Variants in RBFOX1 observed in about 807,000 individuals in gnomAD.
RBFOX1 encodes the protein RNA binding fox-1 homolog 1, also known as RNA binding protein fox-1 homolog 1.
Under a neutral mutation model 57.7 loss-of-function variants are expected in RBFOX1, and 8 were observed. That is an observed-to-expected ratio of 0.14 (90% CI 0.08 to 0.25). RBFOX1 has a LOEUF of 0.25. Among genes scored for constraint, RBFOX1 ranks in the 10% least tolerant of loss-of-function variants. The pLI is 1.00. For missense variants in RBFOX1, 611 were observed against 548.5 expected, an observed-to-expected ratio of 1.11 and a Z score of -1.14; for synonymous variants, 326 against 222.4, an observed-to-expected ratio of 1.47 and a Z score of -4.15.
At chr16:6,663,528 C>G (rs1380813475) in intron 3 of RBFOX1, among the ~76,000 whole-genome samples, 1 of 152,170 alleles carries the variant, frequency 6.6e-6, no homozygotes, top group East Asian at 1.9e-4. Context: ...GGAAGGGCCT[C>G]TTTCTAGAAT....
chr16:7,236,415 A>G (rs79702692), intron 4 of RBFOX1, among the ~76,000 whole-genome samples: 246 of 152,276 alleles, frequency 1.6e-3, no homozygotes, highest in African/African-American at 3.6e-3. Flanking sequence ...TGTCACATGC[A>G]CAACATCTGG....
chr16:7,402,826 A>G (rs772039734), intron 4 of RBFOX1, among the ~76,000 whole-genome samples: 1 of 152,112 alleles, frequency 6.6e-6, no homozygotes, highest in Non-Finnish European at 1.5e-5. Context: ...AAGAGTTGTT[A>G]TTTATCTGAG....
intron 4 of RBFOX1, among the ~76,000 whole-genome samples, chr16:7,367,917 C>G (rs893796035): frequency 4.0e-5 from 6 of 149,288 alleles, no homozygotes; most frequent in African/African-American, 1.2e-4. Flanking sequence ...CACACACAGA[C>G]ACTACACATG....
chr16:6,798,717 T>C (rs12599243), intron 3 of RBFOX1, among the ~76,000 whole-genome samples: 2 of 152,186 alleles, frequency 1.3e-5, no homozygotes, highest in East Asian at 3.8e-4. Flanking sequence ...AAAATATTTA[T>C]ACACCCAAGA....
chr16:5,443,398 C>G (rs144969941), intron 1 of RBFOX1, among the ~76,000 whole-genome samples: 6 of 152,262 alleles, frequency 3.9e-5, no homozygotes, highest in Admixed American at 2.0e-4. Context: ...AGTGCAGTGT[C>G]GCGATCTTGG....
intron 2 of RBFOX1, among the ~76,000 whole-genome samples, chr16:6,508,026 T>C (rs1226383157): frequency 6.6e-6 from 1 of 152,124 alleles, no homozygotes; most frequent in African/African-American, 2.4e-5. Context: ...TGGAATACTA[T>C]GCAGCCATAA....
chr16:7,395,816 T>G (rs972797952), intron 4 of RBFOX1, among the ~76,000 whole-genome samples: 1 of 152,212 alleles, frequency 6.6e-6, no homozygotes, highest in African/African-American at 2.4e-5. Context: ...GATTTTTGTT[T>G]CCTGCGGGTG....
chr16:6,395,993 G>C (rs900989432), intron 2 of RBFOX1, among the ~76,000 whole-genome samples: 1 of 149,802 alleles, frequency 6.7e-6, no homozygotes, highest in African/African-American at 2.5e-5. Context: ...TTGAATCCGG[G>C]AGGTGGAAGT....
chr16:5,849,237 G>C (rs1039677088), intron 3 of RBFOX1, among the ~76,000 whole-genome samples: 3 of 152,070 alleles, frequency 2.0e-5, no homozygotes, highest in African/African-American at 7.2e-5. Context: ...CTGCATGGAA[G>C]GGTTCTTGAC....
At position 7,691,015 on chromosome 16, in the gene RBFOX1, C is replaced by G. The variant is rs575983105; in HGVS notation, c.995+14177C>G. Among the ~76,000 whole-genome samples the G allele has an allele frequency of 2.0e-5, 3 of 152,202 alleles. No individual in the cohort carries two copies. In the East Asian group the frequency reaches 5.8e-4, roughly 29 times the overall value. On this transcript the variant is annotated intron_variant, in intron 14 of 15. Transcript: ENST00000550418. ...ATTGTTCAGGGAAGTAGTGATCACA[C>G]AGATTGAATTCATGGAATTAATTAA...
chr16:7,701,830 CA>C (rs1454865178), intron 14 of RBFOX1, among the ~76,000 whole-genome samples: 1 of 152,200 alleles, frequency 6.6e-6, no homozygotes, highest in African/African-American at 2.4e-5. Flanking sequence ...TGAAAGTGAA[CA>C]GGAACATTTC....
At chr16:6,276,128 A>G (rs966626391) in intron 1 of RBFOX1, among the ~76,000 whole-genome samples, 1 of 152,216 alleles carries the variant, frequency 6.6e-6, no homozygotes, top group African/African-American at 2.4e-5. Flanking sequence ...TTAAATAAAT[A>G]CCTTTTTCTT....
chr16:6,471,718 T>A (rs1320533671), intron 2 of RBFOX1, among the ~76,000 whole-genome samples: 1 of 152,140 alleles, frequency 6.6e-6, no homozygotes, highest in Non-Finnish European at 1.5e-5. Flanking sequence ...GGTTTATTCA[T>A]CTCAGCATTG....
intron 3 of RBFOX1, among the ~76,000 whole-genome samples, chr16:6,726,394 T>C (rs925375559): frequency 1.3e-5 from 1 of 79,870 alleles, no homozygotes; most frequent in African/African-American, 3.0e-5. Flanking sequence ...AACGCTATTT[T>C]TTCTTTTTTT....
At chr16:5,626,593 T>G (rs915183761) in intron 3 of RBFOX1, among the ~76,000 whole-genome samples, 2 of 152,180 alleles carry the variant, frequency 1.3e-5, no homozygotes, top group African/African-American at 2.4e-5. Context: ...TTCCTTCCTC[T>G]CCAAAATCCT....
At chr16:7,389,860 C>T (rs1048718209) in intron 4 of RBFOX1, among the ~76,000 whole-genome samples, 5 of 152,016 alleles carry the variant, frequency 3.3e-5, no homozygotes, top group African/African-American at 7.2e-5. Flanking sequence ...TCCATGAGTC[C>T]ACTGCTGTTT....
At chr16:7,413,903 C>T (rs747165434) in intron 4 of RBFOX1, among the ~76,000 whole-genome samples, 22 of 152,080 alleles carry the variant, frequency 1.4e-4, no homozygotes, top group Non-Finnish European at 3.1e-4. Context: ...GATTTGCATT[C>T]GTTAAGTGCA....
intron 4 of RBFOX1, among the ~76,000 whole-genome samples, chr16:7,307,355 A>G (rs192434136): frequency 5.9e-5 from 9 of 152,332 alleles, no homozygotes; most frequent in Admixed American, 4.6e-4. Context: ...AGATTTATCC[A>G]TAAGACAACT....
intron 2 of RBFOX1, among the ~76,000 whole-genome samples, chr16:6,615,989 C>G (rs949878855): frequency 6.6e-6 from 1 of 152,152 alleles, no homozygotes; most frequent in African/African-American, 2.4e-5. Context: ...TTGCTGAACT[C>G]TGATTCTGAA....
Sources: allele counts gnomAD v4.1 joint callset (sites outside exome capture counted in the v4.1 genomes callset), GRCh38; gene constraint gnomAD v4.1.1; transcripts MANE v1.5; gene names NCBI Gene and HGNC (gene_info 2026-07-23, HGNC 2026-07-21).